Variants in ITGB1BP1 observed in about 807,000 individuals in gnomAD.
The protein encoded by ITGB1BP1 is integrin beta-1-binding protein 1.
Under a neutral mutation model 28.0 loss-of-function variants are expected in ITGB1BP1, and 20 were observed. That is an observed-to-expected ratio of 0.71 (90% confidence interval 0.50 to 1.04). ITGB1BP1 has a LOEUF of 1.04. Among genes scored for constraint, ITGB1BP1 ranks in the 50% least tolerant of loss-of-function variants. The probability of loss-of-function intolerance (pLI) is 0.00; values close to 1 mark genes in which losing one functional copy is unlikely to be tolerated. For missense variants in ITGB1BP1, 228 were observed against 242.5 expected, an observed-to-expected ratio of 0.94 and a Z score of 0.40; for synonymous variants, 103 against 89.5, an observed-to-expected ratio of 1.15 and a Z score of -0.85.
rs868588938 is a variant in ITGB1BP1 at position 9,412,492 on chromosome 2, C to T, written c.152-87G>A. ...AGTCCCTTCCCAAATAAAAACCAGA[C>T]TGTCATTAGAACATAACCACTAATT... On this transcript the variant is annotated intron_variant, in intron 3 of 6. Coordinates refer to ENST00000355346, the MANE Select transcript of ITGB1BP1 (RefSeq NM_004763.5). The T allele has an allele frequency of 8.4e-5, 94 of 1,113,176 alleles. No homozygotes were observed. In the South Asian group the frequency reaches 1.4e-3, roughly 17 times the overall value. 69.0% of individuals were successfully genotyped at this position (1,113,176 alleles called of 1,614,324 possible).
intron 4 of ITGB1BP1, chr2:9,412,042 CAAAAAAA>C (rs56249290): frequency 1.5e-4 from 35 of 230,272 alleles, no homozygotes; most frequent in East Asian, 5.2e-4. Flanking sequence ...AACTTGGTCT[CAAAAAAA>C]AAAAAAAAAA....
In ITGB1BP1 at chr2:9,405,655, AAAAAT is replaced by A. The variant is rs1677169870; in HGVS notation, c.*1174_*1178del. ...TTGTTAACTAGTCATTTGACTGGAA[AAAAAT>A]AAAATACTTTTAAATGGACATGGTT... On this transcript the variant is annotated 3_prime_UTR_variant, in exon 7 of 7. Transcript: ENST00000355346. The A allele has an allele frequency of 6.6e-6, 1 of 152,646 alleles. No individual in the cohort carries two copies. The highest frequency in any genetic ancestry group is 2.1e-4 in the South Asian group (1 of 4,832). 9.5% of individuals were successfully genotyped at this position (152,646 alleles called of 1,614,324 possible). A position where few individuals can be genotyped will look rare whatever the true frequency, so the allele number is the denominator to read the frequency against.
intron 2 of ITGB1BP1, among the ~76,000 whole-genome samples, chr2:9,418,031 T>G (rs1425094601): frequency 1.3e-5 from 2 of 152,210 alleles, no homozygotes; most frequent in Non-Finnish European, 2.9e-5. Context: ...AAATTGCCAT[T>G]CTTCTAAACA....
intron 2 of ITGB1BP1, 23 bp downstream of exon 2, chr2:9,418,603 T>G (rs777569864): frequency 1.4e-6 from 2 of 1,478,960 alleles, no homozygotes; most frequent in Admixed American, 3.3e-5. Flanking sequence ...TTTATGATTC[T>G]GTTCCAAATT....
At chr2:9,422,519 T>G in intron 1 of ITGB1BP1, 1 of 985,566 alleles carries the variant, frequency 1.0e-6, no homozygotes, top group Non-Finnish European at 1.2e-6. Flanking sequence ...TCCTGGGATC[T>G]CAAGGCTGGG....
intron 4 of ITGB1BP1, chr2:9,408,529 G>A (rs1048409954): frequency 1.9e-5 from 4 of 210,404 alleles, no homozygotes; most frequent in Non-Finnish European, 2.9e-5. Flanking sequence ...TAGTACAGAT[G>A]GGGTTTCATC....
intron 4 of ITGB1BP1, among the ~76,000 whole-genome samples, chr2:9,410,053 G>C (rs1678142733): frequency 6.6e-6 from 1 of 151,982 alleles, no homozygotes; most frequent in African/African-American, 2.4e-5. Flanking sequence ...CACCGTGTTA[G>C]CCAGGATGGT....
chr2:9,418,485 T>C (rs16867025), intron 2 of ITGB1BP1, 141 bp downstream of exon 2: 126,264 of 695,120 alleles, frequency 0.18, 12,698 homozygotes, highest in Middle Eastern at 0.32. Flanking sequence ...GCATCTCTAG[T>C]GCAAAAAGTA....
chr2:9,412,919 T>A (rs1038648891), intron 3 of ITGB1BP1, among the ~76,000 whole-genome samples: 3 of 152,204 alleles, frequency 2.0e-5, no homozygotes, highest in Middle Eastern at 3.2e-3. Context: ...AAGCCTACTC[T>A]TCCTCTATCG....
chr2:9,420,726 T>C (rs1679727627), intron 1 of ITGB1BP1, among the ~76,000 whole-genome samples: 1 of 152,164 alleles, frequency 6.6e-6, no homozygotes, highest in Non-Finnish European at 1.5e-5. Context: ...GCGGTAACAG[T>C]GGACTTTAGT....
intron 4 of ITGB1BP1, among the ~76,000 whole-genome samples, chr2:9,409,841 CT>C (rs1036594187): frequency 0.012 from 1,489 of 123,152 alleles, 7 homozygotes; most frequent in African/African-American, 0.041. Flanking sequence ...ACCGTGAGTT[CT>C]TTTTTTTTTT....
rs535447562 is a variant in ITGB1BP1, at chr2:9,406,551, C to T, written c.*283G>A. The T allele has an allele frequency of 2.9e-5, 10 of 342,494 alleles. No individual in the cohort carries two copies. The East Asian group carries it at 4.9e-4, about 17-fold the overall frequency. The allele number at this position is 342,494 out of a possible 1,614,324, so 21.2% of individuals were successfully genotyped here. A position where few individuals can be genotyped will look rare whatever the true frequency, so the allele number is the denominator to read the frequency against. Reference sequence around the variant, plus strand: ...AGTGTGTGTTTGTCACTGAGTGGACCTCTGTGACACCTAGGCTTCTGTGAC... The same window carrying T: ...AGTGTGTGTTTGTCACTGAGTGGACTTCTGTGACACCTAGGCTTCTGTGAC... On this transcript the variant is annotated 3_prime_UTR_variant, in exon 7 of 7. Coordinates refer to ENST00000355346, the MANE Select transcript of ITGB1BP1 (RefSeq NM_004763.5).
chr2:9,422,958 C>T, intron 1 of ITGB1BP1: 3 of 986,468 alleles, frequency 3.0e-6, no homozygotes, highest in Non-Finnish European at 3.6e-6. Context: ...CGCCAGCCTG[C>T]TTGGCACCTG....
At chr2:9,417,725 T>G (rs1300078530) in intron 2 of ITGB1BP1, among the ~76,000 whole-genome samples, 1 of 152,136 alleles carries the variant, frequency 6.6e-6, no homozygotes, top group Admixed American at 6.5e-5. Flanking sequence ...GGCCTGAAAA[T>G]AAGACCTTTT....
chr2:9,407,319 A>T, intron 6 of ITGB1BP1, 130 bp downstream of exon 6: 1 of 1,058,332 alleles, frequency 9.4e-7, no homozygotes, highest in Non-Finnish European at 1.4e-6. Context: ...CCGGCCTAAT[A>T]TTCATTCACT....
At chr2:9,416,568 G>C (rs1679175217) in intron 2 of ITGB1BP1, among the ~76,000 whole-genome samples, 1 of 152,222 alleles carries the variant, frequency 6.6e-6, no homozygotes, top group South Asian at 2.1e-4. Flanking sequence ...GCAGATTGCA[G>C]ACTTGCAGCC....
intron 3 of ITGB1BP1, 89 bp from the exon 4 acceptor site, chr2:9,412,494 G>C: frequency 1.8e-6 from 2 of 1,088,278 alleles, no homozygotes; most frequent in South Asian, 3.2e-5. Flanking sequence ...AAACCAGACT[G>C]TCATTAGAAC....
chr2:9,409,838 GTTC>G (rs1678072685), intron 4 of ITGB1BP1, among the ~76,000 whole-genome samples: 3 of 132,032 alleles, frequency 2.3e-5, no homozygotes, highest in African/African-American at 8.0e-5. Context: ...ACTACCGTGA[GTTC>G]TTTTTTTTTT....
chr2:9,414,690 T>A (rs562971088), intron 2 of ITGB1BP1, among the ~76,000 whole-genome samples: 1 of 152,304 alleles, frequency 6.6e-6, no homozygotes, highest in South Asian at 2.1e-4. Flanking sequence ...AGACTGAGAC[T>A]TTAGTGACTT....
Sources: allele counts gnomAD v4.1 joint callset (sites outside exome capture counted in the v4.1 genomes callset), GRCh38; gene constraint gnomAD v4.1.1; transcripts MANE v1.5; gene names NCBI Gene and HGNC (gene_info 2026-07-23, HGNC 2026-07-21).